The following CSTPP1 variants were observed in gnomAD, a reference collection of about 807,000 sequenced individuals.
The protein encoded by CSTPP1 is UPF0705 protein C11orf49.
At chr11:46,978,826 G>C in the CSTPP1 span, among the ~76,000 whole-genome samples, 226 of 152,280 alleles carry the variant, frequency 1.5e-3, no homozygotes, top group African/African-American at 5.1e-3. Context: ...AGAGAGGACA[G>C]GGAATTCTAA....
the CSTPP1 span, among the ~76,000 whole-genome samples, chr11:47,008,052 C>T: frequency 6.6e-6 from 1 of 152,150 alleles, no homozygotes; most frequent in Non-Finnish European, 1.5e-5. Context: ...ACTGCAACCT[C>T]TGCCTCCCGG....
chr11:47,099,203 A>G, the CSTPP1 span, among the ~76,000 whole-genome samples: 1 of 152,204 alleles, frequency 6.6e-6, no homozygotes, highest in African/African-American at 2.4e-5. Flanking sequence ...TTAACTTTCC[A>G]TACAACTATT....
the CSTPP1 span, among the ~76,000 whole-genome samples, chr11:46,995,746 A>G: frequency 1.5e-4 from 23 of 152,290 alleles, no homozygotes; most frequent in Admixed American, 1.2e-3. Flanking sequence ...AGTAGAATGT[A>G]TATTCTGTTG....
the CSTPP1 span, among the ~76,000 whole-genome samples, chr11:47,079,045 A>G: frequency 6.6e-6 from 1 of 152,180 alleles, no homozygotes; most frequent in Non-Finnish European, 1.5e-5. Flanking sequence ...CCAGGGTTCA[A>G]AAACTTTAGA....
the CSTPP1 span, among the ~76,000 whole-genome samples, chr11:47,047,923 A>G: frequency 1.3e-5 from 2 of 152,354 alleles, no homozygotes; most frequent in African/African-American, 2.4e-5. Context: ...ATCATTAGTC[A>G]TTGGTAAAAT....
chr11:46,957,088 G>C, the CSTPP1 span, among the ~76,000 whole-genome samples: 1 of 151,716 alleles, frequency 6.6e-6, no homozygotes, highest in African/African-American at 2.4e-5. Flanking sequence ...AGACTTTATA[G>C]CCTAAGGTCA....
the CSTPP1 span, among the ~76,000 whole-genome samples, chr11:47,149,080 G>A: frequency 6.6e-6 from 1 of 152,308 alleles, no homozygotes; most frequent in African/African-American, 2.4e-5. Context: ...GGAGAAAGTG[G>A]CCAGTCTCTC....
chr11:46,944,894 GACA>G, the CSTPP1 span, among the ~76,000 whole-genome samples: 1 of 152,182 alleles, frequency 6.6e-6, no homozygotes, highest in African/African-American at 2.4e-5. Context: ...TCTGAGCTAA[GACA>G]ACATCTAACA....
At chr11:47,066,194 T>C in the CSTPP1 span, among the ~76,000 whole-genome samples, 1 of 150,836 alleles carries the variant, frequency 6.6e-6, no homozygotes, top group African/African-American at 2.4e-5. Flanking sequence ...AAAGCAGGCA[T>C]CTTTGTCTTT....
the CSTPP1 span, chr11:47,052,498 G>A: frequency 7.4e-6 from 12 of 1,613,736 alleles, no homozygotes; most frequent in South Asian, 3.3e-5. Context: ...AGATGCTTCC[G>A]AACTGTGGGC....
At chr11:47,000,155 C>A in the CSTPP1 span, among the ~76,000 whole-genome samples, 2 of 152,118 alleles carry the variant, frequency 1.3e-5, no homozygotes, top group Non-Finnish European at 2.9e-5. Flanking sequence ...TAAGAATAGG[C>A]CAAATGTCAG....
chr11:47,084,240 A>G, the CSTPP1 span, among the ~76,000 whole-genome samples: 15 of 152,094 alleles, frequency 9.9e-5, no homozygotes, highest in Non-Finnish European at 1.8e-4. Context: ...ATTTTGCCCA[A>G]TTTTTAGTGG....
At chr11:47,080,021 C>A in the CSTPP1 span, among the ~76,000 whole-genome samples, 6 of 151,874 alleles carry the variant, frequency 4.0e-5, no homozygotes, top group Non-Finnish European at 1.5e-5. Flanking sequence ...CACGTGAACC[C>A]GGAGGCAAAG....
chr11:47,075,412 G>A, the CSTPP1 span, among the ~76,000 whole-genome samples: 1 of 151,862 alleles, frequency 6.6e-6, no homozygotes, highest in African/African-American at 2.4e-5. Context: ...ATAATAAAGA[G>A]GGAGAAAAGA....
the CSTPP1 span, among the ~76,000 whole-genome samples, chr11:47,162,593 G>A: frequency 4.6e-5 from 7 of 152,276 alleles, no homozygotes; most frequent in East Asian, 1.4e-3. Flanking sequence ...GTGGGATGCA[G>A]CTGTGAAAGA....
At chr11:46,995,365 T>C in the CSTPP1 span, among the ~76,000 whole-genome samples, 14 of 152,370 alleles carry the variant, frequency 9.2e-5, no homozygotes, top group Admixed American at 2.0e-4. Flanking sequence ...TTAATTGTGA[T>C]GTTAGGGTGT....
chr11:47,139,152 TG>T, the CSTPP1 span, among the ~76,000 whole-genome samples: 2 of 152,194 alleles, frequency 1.3e-5, no homozygotes, highest in African/African-American at 4.8e-5. Flanking sequence ...ACCTAATCCT[TG>T]TAAAAACTGT....
the CSTPP1 span, chr11:47,137,358 A>C: frequency 1.4e-6 from 2 of 1,452,810 alleles, no homozygotes; most frequent in Non-Finnish European, 9.1e-7. Flanking sequence ...AGACTGATGA[A>C]GGTGCCTCTC....
At chr11:47,023,001 G>C in the CSTPP1 span, among the ~76,000 whole-genome samples, 1 of 152,074 alleles carries the variant, frequency 6.6e-6, no homozygotes, top group South Asian at 2.1e-4. Flanking sequence ...AATCACCTAG[G>C]GATCTTGTTA....
Sources: gnomAD v4.1 joint callset for allele counts (sites outside exome capture counted in the v4.1 genomes callset) on GRCh38, gnomAD v4.1.1 for gene constraint, MANE v1.5 for transcripts, NCBI Gene and HGNC (gene_info 2026-07-23, HGNC 2026-07-21) for gene names.